The following STAB2 variants were observed in gnomAD, a reference collection of about 807,000 sequenced individuals.
STAB2 encodes the protein stabilin 2, also known as stabilin-2.
STAB2 carries 288 observed loss-of-function variants against 338.1 expected under a neutral mutation model. The ratio of observed to expected loss-of-function variants is 0.85; its 90% CI spans 0.77 to 0.94. The LOEUF (loss-of-function observed/expected upper bound fraction) is 0.94. Ranked by LOEUF, STAB2 falls within the 40% of genes least tolerant of loss-of-function variation. The probability of loss-of-function intolerance (pLI) is 0.00; values close to 1 mark genes in which losing one functional copy is unlikely to be tolerated. For synonymous variants in STAB2, 1,202 were observed against 1,193.3 expected, an observed-to-expected ratio of 1.01 and a Z score of -0.15; for missense variants, 3,141 against 3,210.1, an observed-to-expected ratio of 0.98 and a Z score of 0.52.
At chr12:103,715,755 T>C (rs1393298463) in intron 42 of STAB2, 60 bp from the exon 43 acceptor site, 49 of 1,603,826 alleles carry the variant, frequency 3.1e-5, no homozygotes, top group Non-Finnish European at 3.8e-5. Context: ...TCCCTCAAGC[T>C]GGCTTCACTT....
chr12:103,735,617 A>C, intron 52 of STAB2, 37 bp downstream of exon 52: 1 of 1,298,304 alleles, frequency 7.7e-7, no homozygotes, highest in Admixed American at 2.0e-5. Context: ...GGGAGGGGTT[A>C]ACACATTCAC....
intron 3 of STAB2, among the ~76,000 whole-genome samples, chr12:103,597,591 T>C (rs1466838126): frequency 6.6e-6 from 1 of 152,198 alleles, no homozygotes. Context: ...TATCTTGACA[T>C]AAGGAAGGTA....
chr12:103,650,690 A>G (rs921763839), intron 11 of STAB2, 112 bp downstream of exon 11: 1 of 792,088 alleles, frequency 1.3e-6, no homozygotes, highest in Non-Finnish European at 2.0e-6. Context: ...CCTACTGATG[A>G]TAAGGATGGT....
At chr12:103,766,152 A>C (rs767082324) in intron 68 of STAB2, 134 bp from the exon 69 acceptor site, 1 of 1,250,236 alleles carries the variant, frequency 8.0e-7, no homozygotes, top group East Asian at 2.4e-5. Flanking sequence ...CAGCAGCACA[A>C]ACAAACACGC....
intron 24 of STAB2, 83 bp from the exon 25 acceptor site, chr12:103,677,370 T>C (rs1056907556): frequency 1.3e-5 from 20 of 1,484,770 alleles, no homozygotes; most frequent in Middle Eastern, 1.8e-4. Flanking sequence ...CTGGAACATA[T>C]GTCTGGAAAT....
chr12:103,761,339 T>C lies in STAB2; in HGVS notation c.7288T>C (p.Trp2430Arg). The change falls in exon 66 of 69, where the codon TGG becomes CGG. Residue 2430 changes from tryptophan (W) to arginine (R), a missense_variant. Trp to Arg is a moderately radical substitution (Grantham distance 101). Transcript: ENST00000388887. ...RFVDGRAILQ[W>R]DIFASNGIIH... is the part of the protein sequence containing the mutation. ...TGTTGATGGAAGAGCCATTCTGCAG[T>C]GGGACATCTTTGCCTCCAATGGGAT... 2 of 1,614,090 alleles carry C rather than the reference T, an allele frequency of 1.2e-6. No homozygotes were observed. The highest frequency in any genetic ancestry group is 1.7e-6 in the Non-Finnish European group (2 of 1,179,996).
intron 5 of STAB2, among the ~76,000 whole-genome samples, chr12:103,629,440 G>T (rs1023725032): frequency 6.6e-6 from 1 of 152,160 alleles, no homozygotes; most frequent in African/African-American, 2.4e-5. Context: ...TGCTCTCCTG[G>T]TGGTCTTCAG....
intron 15 of STAB2, chr12:103,657,758 G>A (rs1469855180): frequency 6.6e-6 from 1 of 152,196 alleles, no homozygotes; most frequent in Non-Finnish European, 1.5e-5. Flanking sequence ...TAGGTGAGAA[G>A]TACAATCATT....
chr12:103,631,634 T>C lies in STAB2; in HGVS notation c.524T>C (p.Leu175Pro), dbSNP rs1198203961. The C allele has an allele frequency of 1.9e-6, 3 of 1,614,050 alleles. No individual in the cohort carries two copies. The highest frequency in any genetic ancestry group is 2.5e-6 in the Non-Finnish European group (3 of 1,180,050). The change falls in exon 6 of 69, where the codon CTA becomes CCA. Residue 175 changes from leucine (L) to proline (P), a missense_variant. Physicochemically the swap from Leu to Pro is moderately conservative, Grantham distance 98. Coordinates refer to ENST00000388887, the MANE Select transcript of STAB2 (RefSeq NM_017564.10). ...NCVHGVCNSG[L>P]DGDGTCECYS... ...GTGCATGGGGTGTGCAACAGTGGAC[T>C]AGATGGCGATGGAACCTGTGAGTGC...
chr12:103,620,840 G>A (rs1191683261), intron 4 of STAB2, among the ~76,000 whole-genome samples: 1 of 152,208 alleles, frequency 6.6e-6, no homozygotes, highest in Admixed American at 6.5e-5. Context: ...GCTTACGCCT[G>A]GAATCCCAGC....
chr12:103,620,370 C>T lies in STAB2; in HGVS notation c.332-98C>T, dbSNP rs184552127. 2,172 of 1,128,706 alleles carry T rather than the reference C, an allele frequency of 1.9e-3. 6 individuals are homozygous for T. The highest frequency in any genetic ancestry group is 2.7e-3 in the Admixed American group (107 of 40,100). The allele number at this position is 1,128,706 out of a possible 1,614,324, so 69.9% of individuals were successfully genotyped here. A position where few individuals can be genotyped will look rare whatever the true frequency, so the allele number is the denominator to read the frequency against. On this transcript the variant is annotated intron_variant, in intron 3 of 68. Coordinates refer to ENST00000388887, the MANE Select transcript of STAB2 (RefSeq NM_017564.10). ...ACAGGTTCTGCAATTATTTCTTATC[C>T]CTGGCAACTAGCACACTTAGTAGGT...
chr12:103,675,991 AG>A lies in STAB2; in HGVS notation c.2618del (p.Gly873AspfsTer2). ...TLCSEMDPCTGLTPGGCSRNA... is the reference protein window; with the variant it reads ...TLCSEMDPCTXLTPGGCSRNA... ...TGTGTTCTGAGATGGACCCTTGCAC[AG>A]GACTAACTCCAGGAGGCTGTAGCCG... On this transcript the variant is annotated frameshift_variant, in exon 24 of 69. Coordinates refer to ENST00000388887, the MANE Select transcript of STAB2 (RefSeq NM_017564.10). LOFTEE classifies it high-confidence loss of function. 1 of 1,612,568 alleles carries A rather than the reference AG, an allele frequency of 6.2e-7. No homozygotes were observed. Among genetic ancestry groups the A allele is most frequent in the African/African-American group, 1.3e-5 (1 of 74,768 alleles).
At chr12:103,742,715 C>G (rs1882685915) in intron 56 of STAB2, among the ~76,000 whole-genome samples, 161 bp downstream of exon 56, 1 of 152,214 alleles carries the variant, frequency 6.6e-6, no homozygotes, top group Non-Finnish European at 1.5e-5. Context: ...TCCTTGGATG[C>G]ATTCCCAGTT....
chr12:103,605,729 C>A (rs1344900089), intron 3 of STAB2, among the ~76,000 whole-genome samples: 3 of 151,936 alleles, frequency 2.0e-5, no homozygotes, highest in African/African-American at 7.2e-5. Flanking sequence ...TTCTTTATAC[C>A]TGGTAAAAAT....
intron 26 of STAB2, among the ~76,000 whole-genome samples, chr12:103,684,380 G>A (rs529397365): frequency 1.3e-4 from 20 of 152,292 alleles, no homozygotes; most frequent in Non-Finnish European, 2.6e-4. Flanking sequence ...AGGGTGGGGC[G>A]TGGGGGACTA....
intron 11 of STAB2, among the ~76,000 whole-genome samples, chr12:103,650,907 A>G (rs1409734492): frequency 6.6e-6 from 1 of 152,222 alleles, no homozygotes; most frequent in Non-Finnish European, 1.5e-5. Context: ...ACATATATCC[A>G]GGTGATAAAG....
In STAB2 at chr12:103,670,743, C is replaced by T. The variant is rs1875695123; in HGVS notation, c.2307C>T (p.Gly769=). 6.2e-7 allele frequency: 1 copy of T among 1,614,034 alleles called. No homozygotes were observed. Among genetic ancestry groups the T allele is most frequent in the Admixed American group, 1.7e-5 (1 of 60,006 alleles). ...GGNGTCICEE[G]FQGSQCQFCS... is the part of the protein sequence containing the mutation. ...ACGGGACATGCATTTGTGAGGAGGGCTTCCAAGGCTCCCAGTGTCAGTTCT... is the reference window on the plus strand; with the variant it reads ...ACGGGACATGCATTTGTGAGGAGGGTTTCCAAGGCTCCCAGTGTCAGTTCT... The change falls in exon 22 of 69, where the codon GGC becomes GGT. Residue 769 remains glycine (G), a synonymous_variant. Coordinates refer to ENST00000388887, the MANE Select transcript of STAB2 (RefSeq NM_017564.10).
In STAB2 at chr12:103,746,582, C is replaced by A; in HGVS notation, c.6137-15C>A. On this transcript the variant is annotated splice_polypyrimidine_tract_variant and intron_variant, in intron 57 of 68. Transcript: ENST00000388887. ...CACCATGGGTACAGAATGAAAGTGGCCCCTTTCTTTGCAGTTTTGCCTGCA... is the reference window on the plus strand; with the variant it reads ...CACCATGGGTACAGAATGAAAGTGGACCCTTTCTTTGCAGTTTTGCCTGCA... 6.2e-7 allele frequency: 1 copy of A among 1,613,032 alleles called. No individual in the cohort carries two copies. The highest frequency in any genetic ancestry group is 8.5e-7 in the Non-Finnish European group (1 of 1,179,052).
At chr12:103,649,775 T>G (rs1367939963) in intron 10 of STAB2, among the ~76,000 whole-genome samples, 1 of 152,104 alleles carries the variant, frequency 6.6e-6, no homozygotes, top group Non-Finnish European at 1.5e-5. Flanking sequence ...AATCTACCAG[T>G]TTCCTCACAG....
Sources: gnomAD v4.1 joint callset for allele counts (sites outside exome capture counted in the v4.1 genomes callset) on GRCh38, gnomAD v4.1.1 for gene constraint, MANE v1.5 for transcripts, NCBI Gene and HGNC (gene_info 2026-07-23, HGNC 2026-07-21) for gene names.